Variants in EZH2 observed in about 807,000 individuals in gnomAD.
The protein encoded by EZH2 is enhancer of zeste 2 polycomb repressive complex 2 subunit, also known as histone-lysine N-methyltransferase EZH2.
In EZH2, 18 loss-of-function variants were observed where a neutral mutation model predicts 98.4. That is an observed-to-expected ratio of 0.18 (90% CI 0.13 to 0.27). The LOEUF (loss-of-function observed/expected upper bound fraction) is 0.27, where lower values mean the gene tolerates loss of function less well. Among genes scored for constraint, EZH2 ranks in the 10% least tolerant of loss-of-function variants. The pLI is 1.00. For missense variants in EZH2, 470 were observed against 935.1 expected (o/e 0.50, Z 6.49); for synonymous variants, 338 against 312.3 (o/e 1.08, Z -0.87).
At chr7:148,853,485 T>G (rs1816234115) in intron 1 of EZH2, among the ~76,000 whole-genome samples, 1 of 152,160 alleles carries the variant, frequency 6.6e-6, no homozygotes, top group African/African-American at 2.4e-5. Flanking sequence ...ACAATAGGGT[T>G]CACGCTTCCG....
chr7:148,859,223 G>C (rs528728772), intron 1 of EZH2, among the ~76,000 whole-genome samples: 2 of 152,082 alleles, frequency 1.3e-5, no homozygotes, highest in Non-Finnish European at 2.9e-5. Context: ...TAAAAACAAA[G>C]TGTCAGGTGC....
chr7:148,879,062 T>A (rs1274243618), intron 1 of EZH2, among the ~76,000 whole-genome samples: 9 of 145,694 alleles, frequency 6.2e-5, no homozygotes, highest in Non-Finnish European at 1.2e-4. Context: ...CCATCTCAAC[T>A]AAAAATACAA....
intron 1 of EZH2, among the ~76,000 whole-genome samples, chr7:148,859,319 A>T (rs756969717): frequency 1.7e-4 from 26 of 152,184 alleles, no homozygotes; most frequent in South Asian, 6.2e-4. Context: ...CAGCCTGGCC[A>T]AGACGGTGAA....
intron 1 of EZH2, among the ~76,000 whole-genome samples, chr7:148,873,556 C>CTTTTTTTT (rs1819751149): frequency 1.9e-5 from 2 of 103,624 alleles, no homozygotes; most frequent in African/African-American, 7.7e-5. Context: ...TCATGCTCTT[C>CTTTTTTTT]ATTTTTTTTT....
chr7:148,880,985 A>C (rs1041277045), intron 1 of EZH2, among the ~76,000 whole-genome samples: 5 of 152,166 alleles, frequency 3.3e-5, no homozygotes, highest in African/African-American at 1.2e-4. Flanking sequence ...TTCAGGGAAG[A>C]CCTCCAGAAG....
At chr7:148,812,210 T>A (rs893698416) in intron 15 of EZH2, among the ~76,000 whole-genome samples, 9 of 152,154 alleles carry the variant, frequency 5.9e-5, no homozygotes, top group African/African-American at 2.2e-4. Context: ...TGGTTCCCTC[T>A]GAAGCCCATA....
intron 1 of EZH2, among the ~76,000 whole-genome samples, chr7:148,865,210 T>C (rs1330682322): frequency 6.6e-6 from 1 of 152,016 alleles, no homozygotes; most frequent in Non-Finnish European, 1.5e-5. Flanking sequence ...AGATACCTGT[T>C]ATTTCAACAC....
At chr7:148,828,611 C>A in intron 6 of EZH2, 129 bp downstream of exon 6, 2 of 1,196,204 alleles carry the variant, frequency 1.7e-6, no homozygotes, top group Non-Finnish European at 2.3e-6. Flanking sequence ...TTTGATTATA[C>A]TGCTATCAAT....
chr7:148,812,659 C>A (rs1803414616), intron 15 of EZH2, among the ~76,000 whole-genome samples: 1 of 152,098 alleles, frequency 6.6e-6, no homozygotes, highest in South Asian at 2.1e-4. Context: ...TAGAATTGCC[C>A]ACTTTCTGAA....
In EZH2 at chr7:148,853,236, AC is replaced by A. The variant is rs563417104; in HGVS notation, c.-7-5932del. ...AGACCAGTCTGGCCAACATGGTAAA[AC>A]CCTGTTTCTACTAAAAATACAAAAA... On this transcript the variant is annotated intron_variant, in intron 1 of 19. Transcript: ENST00000320356. Among the ~76,000 whole-genome samples the A allele has an allele frequency of 2.0e-5, 3 of 152,134 alleles. 1 individual carries two copies. In the South Asian group the frequency reaches 6.2e-4, roughly 32 times the overall value.
At chr7:148,819,942 G>T (rs1177151084) in intron 8 of EZH2, among the ~76,000 whole-genome samples, 1 of 152,100 alleles carries the variant, frequency 6.6e-6, no homozygotes, top group Non-Finnish European at 1.5e-5. Context: ...TTTTCTCCTT[G>T]CAAGTAAAAC....
chr7:148,812,596 T>G (rs969649838), intron 15 of EZH2, among the ~76,000 whole-genome samples: 1 of 152,196 alleles, frequency 6.6e-6, no homozygotes, highest in Non-Finnish European at 1.5e-5. Flanking sequence ...CTACATAGTT[T>G]AACATTTTTA....
chr7:148,873,505 A>G (rs1309366171), intron 1 of EZH2, among the ~76,000 whole-genome samples: 1 of 149,904 alleles, frequency 6.7e-6, no homozygotes, highest in Non-Finnish European at 1.5e-5. Flanking sequence ...AAAAAAAAAA[A>G]AAAAAGAAAG....
rs1314888589 is a variant in EZH2, at chr7:148,829,862, AT to A, written c.364-15del. 10 of 1,533,446 alleles carry A rather than the reference AT, an allele frequency of 6.5e-6. No homozygotes were observed. The highest frequency in any genetic ancestry group is 1.4e-5 in the African/African-American group (1 of 71,620). The allele number at this position is 1,533,446 out of a possible 1,614,324, so 95.0% of individuals were successfully genotyped here. On this transcript the variant is annotated splice_polypyrimidine_tract_variant and intron_variant, in intron 4 of 19. Transcript: ENST00000320356. ...TTCATCTTCCACCTAAAAGAAAAAA[AT>A]ATATTTAAAAAGCAGGTTTACTCTA... is the stretch of plus-strand genomic sequence containing the variant.
intron 1 of EZH2, among the ~76,000 whole-genome samples, chr7:148,859,814 G>A (rs552896256): frequency 2.0e-5 from 3 of 152,156 alleles, no homozygotes; most frequent in African/African-American, 4.8e-5. Flanking sequence ...CAGTATATCC[G>A]CAACGCCTCA....
intron 1 of EZH2, among the ~76,000 whole-genome samples, chr7:148,878,093 G>T (rs756403495): frequency 1.9e-4 from 29 of 152,032 alleles, no homozygotes; most frequent in Non-Finnish European, 2.8e-4. Flanking sequence ...TATAGAGAGA[G>T]ATATATATAG....
chr7:148,822,896 T>C (rs1035547458), intron 8 of EZH2, among the ~76,000 whole-genome samples: 8 of 150,494 alleles, frequency 5.3e-5, no homozygotes, highest in Non-Finnish European at 1.0e-4. Flanking sequence ...GAGCCAAGAC[T>C]GCACCACTGC....
chr7:148,827,884 G>A (rs1370851841), intron 6 of EZH2, among the ~76,000 whole-genome samples: 3 of 152,290 alleles, frequency 2.0e-5, no homozygotes, highest in South Asian at 2.1e-4. Flanking sequence ...TTGGGAGGCC[G>A]AGGCAGGTGG....
chr7:148,817,708 G>A (rs1341212012), intron 10 of EZH2, 169 bp downstream of exon 10: 9 of 918,928 alleles, frequency 9.8e-6, no homozygotes, highest in South Asian at 3.2e-5. Context: ...GCTAGGGTAC[G>A]GGTGCAGGCA....
Sources: allele counts gnomAD v4.1 joint callset (sites outside exome capture counted in the v4.1 genomes callset), GRCh38; gene constraint gnomAD v4.1.1; transcripts MANE v1.5; gene names NCBI Gene and HGNC (gene_info 2026-07-23, HGNC 2026-07-21).